The following LIPC variants were observed in gnomAD, a reference collection of about 807,000 sequenced individuals.
LIPC encodes the protein hepatic triacylglycerol lipase.
A neutral mutation model predicts 50.7 loss-of-function variants in LIPC; 44 were observed. That is an observed-to-expected ratio of 0.87 (90% CI 0.68 to 1.11). LIPC has a LOEUF of 1.11. Ranked by LOEUF, LIPC falls within the 50% of genes most tolerant of loss-of-function variation. LIPC has a pLI of 0.00. For missense variants in LIPC, 697 were observed against 648.2 expected (o/e 1.08, Z -0.82); for synonymous variants, 271 against 256.4 (o/e 1.06, Z -0.54).
chr15:58,443,056 G>A (rs1244572789), intron 1 of LIPC, among the ~76,000 whole-genome samples: 1 of 152,292 alleles, frequency 6.6e-6, no homozygotes, highest in East Asian at 1.9e-4. Context: ...GGGATTACAG[G>A]CATGCACCAC....
chr15:58,445,233 G>A (rs1440494044), intron 1 of LIPC, among the ~76,000 whole-genome samples: 1 of 152,250 alleles, frequency 6.6e-6, no homozygotes, highest in African/African-American at 2.4e-5. Flanking sequence ...GCTCATGTGT[G>A]AGTGAGTGAT....
Position 58,548,446 on chromosome 15 carries a change from A to G in LIPC, c.925A>G (p.Ser309Gly), listed in dbSNP as rs1290168645. The G allele has an allele frequency of 6.2e-7, 1 of 1,613,790 alleles. No individual in the cohort carries two copies. Among genetic ancestry groups the G allele is most frequent in the Non-Finnish European group, 8.5e-7 (1 of 1,179,946 alleles). ...CCCGTGTGGTGACATGAACAGCTTCAGCCAGGGCCTGTGCCTGAGCTGCAA... is the reference window on the plus strand; with the variant it reads ...CCCGTGTGGTGACATGAACAGCTTCGGCCAGGGCCTGTGCCTGAGCTGCAA... ...AYPCGDMNSF[S>G]QGLCLSCKKG... The change falls in exon 6 of 9, where the codon AGC (serine) becomes GGC (glycine). Residue 309 changes from serine (S) to glycine (G), a missense_variant. Physicochemically the swap from Ser to Gly is moderately conservative, Grantham distance 56. Transcript: ENST00000299022.
At chr15:58,561,956 A>G (rs944724103) in intron 7 of LIPC, among the ~76,000 whole-genome samples, 1 of 152,080 alleles carries the variant, frequency 6.6e-6, no homozygotes, top group African/African-American at 2.4e-5. Context: ...GAGGGCTTAG[A>G]ATTTTATTTT....
At chr15:58,567,328 T>TATATACATATATATATAC (rs1488301524) in intron 8 of LIPC, among the ~76,000 whole-genome samples, 2 of 33,056 alleles carry the variant, frequency 6.1e-5, no homozygotes, top group Non-Finnish European at 1.3e-4. Flanking sequence ...TATGTGTATA[T>TATATACATATATATATAC]ATATATATAT....
chr15:58,450,844 A>G (rs1443226152), intron 1 of LIPC, among the ~76,000 whole-genome samples: 1 of 152,178 alleles, frequency 6.6e-6, no homozygotes, highest in Non-Finnish European at 1.5e-5. Context: ...TGCAGCAGTC[A>G]GGGTTTACAG....
At chr15:58,538,840 T>A (rs1893231505) in intron 2 of LIPC, among the ~76,000 whole-genome samples, 1 of 152,226 alleles carries the variant, frequency 6.6e-6, no homozygotes, top group East Asian at 1.9e-4. Flanking sequence ...ATCTGCATGT[T>A]ACACACAGGG....
At chr15:58,568,457 G>T (rs183595854) in intron 8 of LIPC, among the ~76,000 whole-genome samples, 4 of 152,334 alleles carry the variant, frequency 2.6e-5, no homozygotes, top group Admixed American at 6.5e-5. Flanking sequence ...ACAAAGGAGG[G>T]CTGCCCCAGG....
rs1891561054 is a variant in LIPC, at chr15:58,490,816, A to T, written c.89-47517A>T. ...TGGTCGCTTCCGGCTCTGATGAACC[A>T]CTGCCAGCCAGTTATTAGGGAGGAG... On this transcript the variant is annotated intron_variant, in intron 1 of 8. Coordinates refer to ENST00000299022, the MANE Select transcript of LIPC (RefSeq NM_000236.3). 2.0e-5 allele frequency among the ~76,000 whole-genome samples: 3 copies of T among 152,270 alleles called. No individual in the cohort carries two copies. The South Asian group carries it at 6.2e-4, about 32-fold the overall frequency.
At chr15:58,512,322 C>G (rs896633624) in intron 1 of LIPC, among the ~76,000 whole-genome samples, 34 of 152,236 alleles carry the variant, frequency 2.2e-4, no homozygotes, top group Non-Finnish European at 4.1e-4. Flanking sequence ...TGGTCTCGAA[C>G]TCCTGACGTC....
At chr15:58,507,163 C>T (rs1228981546) in intron 1 of LIPC, among the ~76,000 whole-genome samples, 1 of 152,126 alleles carries the variant, frequency 6.6e-6, no homozygotes. Flanking sequence ...ACAGGCAAAT[C>T]ATAGGAGTGG....
intron 1 of LIPC, among the ~76,000 whole-genome samples, chr15:58,466,526 T>C (rs1485748436): frequency 6.6e-6 from 1 of 152,220 alleles, no homozygotes; most frequent in African/African-American, 2.4e-5. Context: ...TCTAAGGATG[T>C]ATGGTAATTT....
chr15:58,437,902 G>A lies in LIPC; in HGVS notation c.88+5782G>A, dbSNP rs1470846102. ...GGCCATCCTTCCTAGCCCTACAGCT[G>A]AGCAGGTCTGTGGTCCTGCTGAAAG... On this transcript the variant is annotated intron_variant, in intron 1 of 8. Coordinates refer to ENST00000299022, the MANE Select transcript of LIPC (RefSeq NM_000236.3). Among the ~76,000 whole-genome samples the A allele has an allele frequency of 4.6e-5, 7 of 152,290 alleles. 1 individual carries two copies. The highest frequency in any genetic ancestry group is 1.4e-4 in the African/African-American group (6 of 41,550).
In LIPC at chr15:58,499,525, C is replaced by A. The variant is rs1013408340; in HGVS notation, c.89-38808C>A. Among the ~76,000 whole-genome samples, 5 of 152,200 alleles carry A rather than the reference C, an allele frequency of 3.3e-5. No homozygotes were observed. The East Asian group carries it at 9.6e-4, about 29-fold the overall frequency. ...TCAACCTGAAAAGAACCAATAGTCT[C>A]CTCTATCTCTAAACCAGATTCCCAT... On this transcript the variant is annotated intron_variant, in intron 1 of 8. Transcript: ENST00000299022.
chr15:58,477,974 C>T (rs755649513), intron 1 of LIPC, among the ~76,000 whole-genome samples: 2 of 151,998 alleles, frequency 1.3e-5, no homozygotes, highest in African/African-American at 2.4e-5. Context: ...CCTCTCCAGC[C>T]AGGGGGACGT....
At chr15:58,457,389 C>T (rs897465605) in intron 1 of LIPC, among the ~76,000 whole-genome samples, 2 of 152,204 alleles carry the variant, frequency 1.3e-5, no homozygotes, top group Admixed American at 1.3e-4. Flanking sequence ...GGATTACAGG[C>T]GTGAGCCACC....
chr15:58,543,486 T>C (rs752869813), intron 4 of LIPC, among the ~76,000 whole-genome samples: 1 of 152,138 alleles, frequency 6.6e-6, no homozygotes, highest in Non-Finnish European at 1.5e-5. Context: ...GGCCTTTGCA[T>C]GCACTGTTTG....
intron 1 of LIPC, among the ~76,000 whole-genome samples, chr15:58,496,026 C>G (rs1891752346): frequency 6.6e-6 from 1 of 152,186 alleles, no homozygotes; most frequent in African/African-American, 2.4e-5. Context: ...TAAGTTACTT[C>G]TGACCACATA....
At chr15:58,491,132 C>G (rs140605850) in intron 1 of LIPC, among the ~76,000 whole-genome samples, 2 of 152,126 alleles carry the variant, frequency 1.3e-5, no homozygotes, top group Non-Finnish European at 2.9e-5. Context: ...ACAGCCAGGC[C>G]GCAAGAGGAC....
chr15:58,445,708 G>A (rs932653436), intron 1 of LIPC, among the ~76,000 whole-genome samples: 5 of 152,168 alleles, frequency 3.3e-5, no homozygotes, highest in African/African-American at 4.8e-5. Context: ...TCACTTCCCA[G>A]CACGTGGCCT....
Sources: allele counts gnomAD v4.1 joint callset (sites outside exome capture counted in the v4.1 genomes callset), GRCh38; gene constraint gnomAD v4.1.1; transcripts MANE v1.5; gene names NCBI Gene and HGNC (gene_info 2026-07-23, HGNC 2026-07-21).